The following ZNF385D variants were observed in gnomAD, a reference collection of about 807,000 sequenced individuals.
The protein encoded by ZNF385D is zinc finger protein 659.
ZNF385D carries 15 observed loss-of-function variants against 35.8 expected under a neutral mutation model. The ratio of observed to expected loss-of-function variants is 0.42; its 90% CI spans 0.28 to 0.64. The LOEUF (loss-of-function observed/expected upper bound fraction) is 0.64. Ranked by LOEUF, ZNF385D falls within the 30% of genes least tolerant of loss-of-function variation. The pLI is 0.23. For missense variants in ZNF385D, 474 were observed against 494.6 expected (o/e 0.96, Z 0.39); for synonymous variants, 212 against 186.8 (o/e 1.13, Z -1.10).
chr3:22,185,695 T>C (rs529691996), intron 2 of ZNF385D, among the ~76,000 whole-genome samples: 1 of 152,206 alleles, frequency 6.6e-6, no homozygotes, highest in Non-Finnish European at 1.5e-5. Context: ...CTTGAACTCC[T>C]AACGTCATGA....
chr3:21,838,672 C>T (rs17009724), intron 3 of ZNF385D, among the ~76,000 whole-genome samples: 4,338 of 152,118 alleles, frequency 0.029, 199 homozygotes, highest in African/African-American at 0.099. Context: ...ATCTATGATG[C>T]TCAAATGAGC....
At chr3:22,356,703 C>T (rs555900447) in intron 2 of ZNF385D, among the ~76,000 whole-genome samples, 80 of 151,938 alleles carry the variant, frequency 5.3e-4, no homozygotes, top group African/African-American at 8.0e-4. Flanking sequence ...GAGGAATCGA[C>T]GACAAATCAA....
chr3:22,080,151 CCTGT>C (rs901188013), intron 3 of ZNF385D, among the ~76,000 whole-genome samples: 2 of 152,010 alleles, frequency 1.3e-5, no homozygotes, highest in African/African-American at 2.4e-5. Context: ...CTGAAATGTG[CCTGT>C]CTATGTCTTT....
At chr3:21,948,711 T>TTTAC (rs398071786) in intron 3 of ZNF385D, among the ~76,000 whole-genome samples, 2 of 152,026 alleles carry the variant, frequency 1.3e-5, no homozygotes, top group Non-Finnish European at 2.9e-5. Context: ...GAGACAAATA[T>TTTAC]TTCATTCATT....
chr3:22,293,163 C>T (rs1702390865), intron 2 of ZNF385D, among the ~76,000 whole-genome samples: 1 of 152,062 alleles, frequency 6.6e-6, no homozygotes. Context: ...TAGAAATCCC[C>T]CAAACCTAAT....
In ZNF385D at chr3:21,588,333, G is replaced by T. The variant is rs918253752; in HGVS notation, c.166-23649C>A. The stretch of plus-strand genomic sequence containing the variant: ...CAACTTTTAAGACTTTCATCTCATA[G>T]CTAAATGGAAAATTTCTGATTAATT... On this transcript the variant is annotated intron_variant, in intron 2 of 7. Coordinates refer to ENST00000281523, the MANE Select transcript of ZNF385D (RefSeq NM_024697.3). Among the ~76,000 whole-genome samples, 5 of 152,026 alleles carry T rather than the reference G, an allele frequency of 3.3e-5. No homozygotes were observed. In the South Asian group the frequency reaches 1.0e-3, roughly 31 times the overall value.
At chr3:22,023,382 A>G (rs1460882627) in intron 3 of ZNF385D, among the ~76,000 whole-genome samples, 1 of 152,192 alleles carries the variant, frequency 6.6e-6, no homozygotes, top group East Asian at 1.9e-4. Context: ...TATTATTATC[A>G]TGCACATATC....
chr3:21,432,565 C>A (rs1012223564), intron 5 of ZNF385D, among the ~76,000 whole-genome samples: 1 of 151,752 alleles, frequency 6.6e-6, no homozygotes, highest in African/African-American at 2.4e-5. Context: ...CTAAGCAGAG[C>A]ACTACCTACT....
intron 3 of ZNF385D, among the ~76,000 whole-genome samples, chr3:21,894,505 A>G (rs1241767193): frequency 6.6e-6 from 1 of 151,540 alleles, no homozygotes; most frequent in Admixed American, 6.6e-5. Flanking sequence ...TGATGAAAAC[A>G]CACTTTTATT....
At position 21,750,978 on chromosome 3, in the gene ZNF385D, A is replaced by G; in HGVS notation, c.-62T>C. The G allele has an allele frequency of 3.1e-6, 5 of 1,613,492 alleles. No homozygotes were observed. Among genetic ancestry groups the G allele is most frequent in the Non-Finnish European group, 4.2e-6 (5 of 1,179,820 alleles). ...GCATCAGCTCTCACCCAAGGCTGGC[A>G]CGTAGAGCAGAGCCCTTTCATGCTA... is the stretch of plus-strand genomic sequence containing the variant. On this transcript the variant is annotated 5_prime_UTR_variant, in exon 1 of 8. Coordinates refer to ENST00000281523, the MANE Select transcript of ZNF385D (RefSeq NM_024697.3).
intron 3 of ZNF385D, among the ~76,000 whole-genome samples, chr3:21,973,553 T>A (rs1703400487): frequency 6.6e-6 from 1 of 151,962 alleles, no homozygotes; most frequent in Non-Finnish European, 1.5e-5. Context: ...AACATAGTAC[T>A]GGAAGTACTA....
chr3:21,593,580 T>G (rs1437545765), intron 2 of ZNF385D, among the ~76,000 whole-genome samples: 1 of 152,116 alleles, frequency 6.6e-6, no homozygotes, highest in East Asian at 1.9e-4. Flanking sequence ...AATCTTTCTT[T>G]CTGAACACAA....
rs556437244 is a variant in ZNF385D at position 22,297,037 on chromosome 3, A to T, written c.106+75413T>A. Among the ~76,000 whole-genome samples the T allele has an allele frequency of 1.2e-4, 18 of 152,248 alleles. 1 individual carries two copies. Among genetic ancestry groups the T allele is most frequent in the Non-Finnish European group, 2.1e-4 (14 of 68,000 alleles). ...GTGGAGGCCCTCATACTCCCCCTGCAATTATTTATGTGATAGATTGTATTT... is the reference window on the plus strand; with the variant it reads ...GTGGAGGCCCTCATACTCCCCCTGCTATTATTTATGTGATAGATTGTATTT... On this transcript the variant is annotated intron_variant, in intron 2 of 5. Coordinates refer to the ZNF385D transcript ENST00000494108.
chr3:21,698,144 A>T (rs1300368283), intron 1 of ZNF385D, among the ~76,000 whole-genome samples: 1 of 152,208 alleles, frequency 6.6e-6, no homozygotes, highest in Non-Finnish European at 1.5e-5. Flanking sequence ...AGACACCTGC[A>T]CACATATGTT....
chr3:22,115,870 C>A (rs1283523421), intron 3 of ZNF385D, among the ~76,000 whole-genome samples: 3 of 152,034 alleles, frequency 2.0e-5, no homozygotes, highest in Non-Finnish European at 4.4e-5. Flanking sequence ...TAAAATAAAA[C>A]TATCTTTGCA....
chr3:22,172,897 G>T (rs1189397912), intron 2 of ZNF385D, among the ~76,000 whole-genome samples: 6 of 152,230 alleles, frequency 3.9e-5, no homozygotes, highest in Admixed American at 1.3e-4. Flanking sequence ...TTAAGTATAG[G>T]TTATGCTTAG....
At chr3:22,312,198 G>A (rs1013166276) in intron 2 of ZNF385D, among the ~76,000 whole-genome samples, 7 of 152,094 alleles carry the variant, frequency 4.6e-5, no homozygotes, top group African/African-American at 1.4e-4. Context: ...TGCCGATACT[G>A]TTCTGATAAT....
At chr3:22,250,346 TAAGA>T (rs1700000407) in intron 2 of ZNF385D, among the ~76,000 whole-genome samples, 2 of 148,896 alleles carry the variant, frequency 1.3e-5, no homozygotes, top group South Asian at 4.3e-4. Flanking sequence ...ATTTAGATTT[TAAGA>T]AACACTGAAT....
chr3:22,355,066 A>G (rs554103113), intron 2 of ZNF385D, among the ~76,000 whole-genome samples: 12 of 152,178 alleles, frequency 7.9e-5, no homozygotes, highest in Middle Eastern at 3.4e-3. Flanking sequence ...GTGAGCCTCT[A>G]TATTTACTTA....
Sources: gnomAD v4.1 joint callset for allele counts (sites outside exome capture counted in the v4.1 genomes callset) on GRCh38, gnomAD v4.1.1 for gene constraint, MANE v1.5 for transcripts, NCBI Gene and HGNC (gene_info 2026-07-23, HGNC 2026-07-21) for gene names.